The following TRIM2 variants were observed in gnomAD, a reference collection of about 807,000 sequenced individuals.
TRIM2 encodes tripartite motif containing 2.
In TRIM2, 20 loss-of-function variants were observed where a neutral mutation model predicts 75.2. That is an observed-to-expected ratio of 0.27 (90% confidence interval 0.19 to 0.39). The LOEUF is 0.39. Ranked by LOEUF, TRIM2 falls within the 10% of genes least tolerant of loss-of-function variation. The pLI is 1.00. For synonymous variants in TRIM2, 373 were observed against 388.3 expected (o/e 0.96, Z 0.46); for missense variants, 660 against 990.8 (o/e 0.67, Z 4.48).
chr4:153,241,034 G>A (rs1388143710), intron 1 of TRIM2, among the ~76,000 whole-genome samples: 2 of 152,172 alleles, frequency 1.3e-5, no homozygotes, highest in East Asian at 1.9e-4. Flanking sequence ...CCGAGATTGC[G>A]CCACTGCACT....
At chr4:153,244,227 C>G in intron 1 of TRIM2, among the ~76,000 whole-genome samples, 1 of 128,558 alleles carries the variant, frequency 7.8e-6, no homozygotes, top group Non-Finnish European at 1.6e-5. Flanking sequence ...CTCTTCTCCT[C>G]CTTCTTCTCT....
At chr4:153,207,397 C>CA (rs1735781342) in intron 1 of TRIM2, among the ~76,000 whole-genome samples, 1 of 152,184 alleles carries the variant, frequency 6.6e-6, no homozygotes, top group Admixed American at 6.5e-5. Context: ...AGTCCAGCCT[C>CA]ACTTTCGTTG....
intron 6 of TRIM2, among the ~76,000 whole-genome samples, chr4:153,311,668 C>T (rs75591243): frequency 0.016 from 2,153 of 136,262 alleles, 43 homozygotes; most frequent in East Asian, 0.075. Flanking sequence ...TATGGTCCAG[C>T]CTCAGTTAAT....
intron 1 of TRIM2, among the ~76,000 whole-genome samples, chr4:153,209,566 C>A (rs1369568681): frequency 6.6e-6 from 1 of 152,118 alleles, no homozygotes; most frequent in Non-Finnish European, 1.5e-5. Flanking sequence ...CTTCAAGTAC[C>A]GTACTTAACA....
intron 1 of TRIM2, among the ~76,000 whole-genome samples, chr4:153,244,317 T>C (rs1578889181): frequency 1.9e-5 from 1 of 51,904 alleles, no homozygotes; most frequent in Non-Finnish European, 3.2e-5. Flanking sequence ...CTCCTCCTCC[T>C]CCTCTTCTTC....
intron 1 of TRIM2, among the ~76,000 whole-genome samples, chr4:153,260,678 A>ACC (rs1753187204): frequency 3.9e-5 from 2 of 51,672 alleles, no homozygotes; most frequent in Non-Finnish European, 4.0e-5. Context: ...ACACACACCC[A>ACC]CCCACACACC....
intron 6 of TRIM2, among the ~76,000 whole-genome samples, chr4:153,311,814 C>T (rs939941565): frequency 4.0e-5 from 6 of 151,282 alleles, no homozygotes; most frequent in Admixed American, 1.3e-4. Context: ...CCTGCCTCAG[C>T]CTCCCAAAGT....
At chr4:153,257,299 G>A (rs1015556224) in intron 1 of TRIM2, 7 of 596,296 alleles carry the variant, frequency 1.2e-5, no homozygotes, top group Non-Finnish European at 1.6e-5. Context: ...GACTCAGAGG[G>A]AAAGCAAGCC....
Position 153,295,255 on chromosome 4 carries a change from C to A in TRIM2, c.787-58C>A, listed in dbSNP as rs547972292. 39 of 1,485,400 alleles carry A rather than the reference C, an allele frequency of 2.6e-5. No individual in the cohort carries two copies. In the Admixed American group the frequency reaches 9.1e-4, roughly 35 times the overall value. The allele number at this position is 1,485,400 out of a possible 1,614,324, so 92.0% of individuals were successfully genotyped here. ...TCCTTCTCGCCGGTGGAGGGCACTGCCCCGGGCTAGGCCCCGCCCTGTGGG... is the reference window on the plus strand; with the variant it reads ...TCCTTCTCGCCGGTGGAGGGCACTGACCCGGGCTAGGCCCCGCCCTGTGGG... On this transcript the variant is annotated intron_variant, in intron 5 of 11. Coordinates refer to ENST00000338700, the MANE Select transcript of TRIM2 (RefSeq NM_015271.5). This position sits in a 1 kb window ranked among gnomAD's most constrained non-coding sequence, Gnocchi z 7.2.
chr4:153,170,884 T>C (rs1730786717), intron 1 of TRIM2, among the ~76,000 whole-genome samples: 1 of 152,194 alleles, frequency 6.6e-6, no homozygotes. Context: ...ATGTTAGCTA[T>C]AACCACTGAC....
In TRIM2 at chr4:153,279,486, T is replaced by C. The variant is rs140108867; in HGVS notation, c.453+3356T>C. 7.0e-4 allele frequency among the ~76,000 whole-genome samples: 107 copies of C among 152,132 alleles called. No individual in the cohort carries two copies. In the East Asian group the frequency reaches 0.019, roughly 27 times the overall value. ...AATCAATAGAAAATAATAGAAATAA[T>C]AGAAAATTGGACTATTTACAAAGTA... On this transcript the variant is annotated intron_variant, in intron 3 of 11. Transcript: ENST00000338700.
intron 1 of TRIM2, among the ~76,000 whole-genome samples, chr4:153,162,525 A>G (rs928214322): frequency 6.6e-6 from 1 of 152,226 alleles, no homozygotes; most frequent in Non-Finnish European, 1.5e-5. Flanking sequence ...ATCCACCCAC[A>G]TTATGGAGGG....
intron 1 of TRIM2, among the ~76,000 whole-genome samples, chr4:153,174,586 A>G (rs1731223613): frequency 6.6e-6 from 1 of 152,196 alleles, no homozygotes; most frequent in African/African-American, 2.4e-5. Flanking sequence ...ATTCTTCCAG[A>G]ACAGTTTCCT....
At chr4:153,218,743 TG>T (rs1739166351) in intron 1 of TRIM2, among the ~76,000 whole-genome samples, 1 of 152,172 alleles carries the variant, frequency 6.6e-6, no homozygotes, top group Non-Finnish European at 1.5e-5. Flanking sequence ...GCCACTTGTA[TG>T]TATGACTTTC....
At chr4:153,315,685 G>A in intron 7 of TRIM2, 97 bp downstream of exon 7, 2 of 1,438,802 alleles carry the variant, frequency 1.4e-6, no homozygotes, top group South Asian at 2.5e-5. Flanking sequence ...CATGGTGTAA[G>A]GAAAAAAGCT....
At chr4:153,275,612 G>A (rs1276568844) in intron 2 of TRIM2, among the ~76,000 whole-genome samples, 1 of 152,232 alleles carries the variant, frequency 6.6e-6, no homozygotes, top group African/African-American at 2.4e-5. Context: ...CCCCCAGGGA[G>A]GCTGACGCTG....
At chr4:153,253,811 T>TA (rs1364771525) in intron 1 of TRIM2, among the ~76,000 whole-genome samples, 8 of 152,142 alleles carry the variant, frequency 5.3e-5, no homozygotes, top group Non-Finnish European at 1.0e-4. Context: ...AGTTACCCTA[T>TA]ATGTTCGAGA....
At chr4:153,312,572 G>T (rs927189460) in intron 6 of TRIM2, among the ~76,000 whole-genome samples, 19 of 152,092 alleles carry the variant, frequency 1.2e-4, no homozygotes, top group Non-Finnish European at 2.1e-4. Context: ...TGCTGGAGAG[G>T]ATGTGGAGAA....
upstream of TRIM2, among the ~76,000 whole-genome samples, chr4:153,200,723 AAAT>A (rs1323277588): frequency 2.2e-4 from 27 of 123,520 alleles, no homozygotes; most frequent in African/African-American, 8.1e-4. Context: ...TAAGAAAAAA[AAAT>A]ATATATATAT....
Sources: allele counts gnomAD v4.1 joint callset (sites outside exome capture counted in the v4.1 genomes callset), GRCh38; gene constraint gnomAD v4.1.1; non-coding constraint Gnocchi (gnomAD v3.1); transcripts MANE v1.5; gene names NCBI Gene and HGNC (gene_info 2026-07-23, HGNC 2026-07-21).